The following BAZ2B variants were observed in gnomAD, a reference collection of about 807,000 sequenced individuals.
BAZ2B encodes bromodomain adjacent to zinc finger domain protein 2B.
Under a neutral mutation model 246.0 loss-of-function variants are expected in BAZ2B, and 91 were observed. The ratio of observed to expected loss-of-function variants is 0.37; its 90% CI spans 0.31 to 0.44. The LOEUF is 0.44. BAZ2B is among the 20% of genes least tolerant of loss of function. BAZ2B has a pLI of 1.00. For synonymous variants in BAZ2B, 855 were observed against 860.0 expected, an observed-to-expected ratio of 0.99 and a Z score of 0.10; for missense variants, 2,332 against 2,533.7, an observed-to-expected ratio of 0.92 and a Z score of 1.71.
intron 2 of BAZ2B, among the ~76,000 whole-genome samples, chr2:159,539,227 C>A (rs1289890366): frequency 6.6e-6 from 1 of 152,076 alleles, no homozygotes. Flanking sequence ...AAGATAAGCT[C>A]CTAATGAAGA....
intron 2 of BAZ2B, among the ~76,000 whole-genome samples, chr2:159,529,127 A>T (rs1034096139): frequency 1.3e-5 from 2 of 152,128 alleles, no homozygotes; most frequent in African/African-American, 2.4e-5. Context: ...AAAAAAATAA[A>T]AATATACATA....
chr2:159,552,750 C>A (rs146628069), intron 2 of BAZ2B, among the ~76,000 whole-genome samples: 66 of 152,164 alleles, frequency 4.3e-4, no homozygotes, highest in African/African-American at 1.4e-3. Flanking sequence ...TTATGATTGC[C>A]AACAAACATT....
At chr2:159,485,505 C>T (rs1224295808) in intron 2 of BAZ2B, among the ~76,000 whole-genome samples, 3 of 152,012 alleles carry the variant, frequency 2.0e-5, no homozygotes, top group African/African-American at 7.2e-5. Context: ...CATTTTACCA[C>T]TATAAACAAA....
Position 159,373,141 on chromosome 2 carries a change from G to T in BAZ2B, c.4117C>A (p.Arg1373Ser). 1 of 1,613,936 alleles carries T rather than the reference G, an allele frequency of 6.2e-7. No individual in the cohort carries two copies. The highest frequency in any genetic ancestry group is 8.5e-7 in the Non-Finnish European group (1 of 1,179,904). ...RKLFDASHSL[R>S]SVMFGQDRYR... The stretch of plus-strand genomic sequence containing the variant: ...CGATCTTGGCCAAACATCACTGAAC[G>T]CAATGAGTGAGACGCATCAAAGAGC... Residue 1373 changes from arginine (R) to serine (S), a missense_variant, in exon 27 of 37, where the codon CGT becomes AGT. Arg to Ser is a moderately radical substitution (Grantham distance 110). Coordinates refer to ENST00000392783, the MANE Select transcript of BAZ2B (RefSeq NM_013450.4).
At chr2:159,501,211 A>G (rs1338983305) in intron 2 of BAZ2B, among the ~76,000 whole-genome samples, 2 of 113,394 alleles carry the variant, frequency 1.8e-5, no homozygotes, top group Non-Finnish European at 3.5e-5. Flanking sequence ...ATTTTTATAT[A>G]TATTATATAT....
At chr2:159,564,379 G>A (rs1444115539) in intron 1 of BAZ2B, among the ~76,000 whole-genome samples, 1 of 152,188 alleles carries the variant, frequency 6.6e-6, no homozygotes, top group African/African-American at 2.4e-5. Flanking sequence ...GGGATGTTAT[G>A]ACTAAGTGAA....
chr2:159,397,064 A>G, intron 19 of BAZ2B: 1 of 1,395,344 alleles, frequency 7.2e-7, no homozygotes, highest in Non-Finnish European at 9.5e-7. Context: ...AAAAATAAAC[A>G]TACCCATACC....
chr2:159,323,540 C>T (rs1336608862), intron 36 of BAZ2B, among the ~76,000 whole-genome samples: 12 of 152,012 alleles, frequency 7.9e-5, no homozygotes, highest in African/African-American at 2.4e-4. Flanking sequence ...AGGTGGTTCA[C>T]GCCTGTAATC....
chr2:159,517,445 T>G (rs1211558774), intron 2 of BAZ2B, among the ~76,000 whole-genome samples: 3 of 151,992 alleles, frequency 2.0e-5, no homozygotes, highest in Non-Finnish European at 2.9e-5. Context: ...ATTTACTACT[T>G]AAAAAAATCT....
At chr2:159,463,680 G>A (rs568470282) in intron 3 of BAZ2B, 1 of 150,720 alleles carries the variant, frequency 6.6e-6, no homozygotes, top group East Asian at 1.9e-4. Context: ...TATGTTTCTT[G>A]AGAAAAGTCT....
At chr2:159,640,513 C>CTT in the BAZ2B span, among the ~76,000 whole-genome samples, 1 of 151,868 alleles carries the variant, frequency 6.6e-6, no homozygotes, top group African/African-American at 2.4e-5. Flanking sequence ...ATTCTCTAAC[C>CTT]ACATGGAATA....
chr2:159,691,232 T>A, the BAZ2B span, among the ~76,000 whole-genome samples: 1 of 152,162 alleles, frequency 6.6e-6, no homozygotes, highest in African/African-American at 2.4e-5. Context: ...ATTGAAACAA[T>A]CTTGTGTTTT....
chr2:159,324,072 C>T (rs1456454006), intron 36 of BAZ2B, among the ~76,000 whole-genome samples: 1 of 152,120 alleles, frequency 6.6e-6, no homozygotes, highest in Non-Finnish European at 1.5e-5. Flanking sequence ...TTCTATTTAA[C>T]TCTTCTAAAT....
chr2:159,358,469 C>G (rs1442695440), intron 27 of BAZ2B, among the ~76,000 whole-genome samples: 1 of 152,134 alleles, frequency 6.6e-6, no homozygotes, highest in East Asian at 1.9e-4. Flanking sequence ...AAAGCAAGTC[C>G]TTAGATACCT....
At chr2:159,428,765 T>C (rs2070484871) in intron 11 of BAZ2B, among the ~76,000 whole-genome samples, 1 of 152,188 alleles carries the variant, frequency 6.6e-6, no homozygotes, top group Admixed American at 6.5e-5. Flanking sequence ...GGCTCTCTGC[T>C]GCTTGGGGTT....
At chr2:159,543,874 TTC>T (rs2086969570) in intron 2 of BAZ2B, among the ~76,000 whole-genome samples, 1 of 152,234 alleles carries the variant, frequency 6.6e-6, no homozygotes, top group African/African-American at 2.4e-5. Context: ...ATGTACACAT[TTC>T]TTTGTCTTAT....
intron 36 of BAZ2B, among the ~76,000 whole-genome samples, chr2:159,323,954 A>G (rs1189461818): frequency 6.6e-6 from 1 of 152,162 alleles, no homozygotes; most frequent in Non-Finnish European, 1.5e-5. Context: ...AACAAAACAG[A>G]CATAAACCTT....
the BAZ2B span, chr2:159,695,174 A>G: frequency 3.3e-5 from 5 of 152,294 alleles, no homozygotes; most frequent in Non-Finnish European, 5.9e-5. Flanking sequence ...CAATTTTACA[A>G]TAATGATTGT....
chr2:159,382,932 T>A (rs2062171288), intron 24 of BAZ2B, 130 bp from the exon 25 acceptor site: 2 of 1,217,662 alleles, frequency 1.6e-6, no homozygotes, highest in African/African-American at 3.0e-5. Context: ...ATACCAATGT[T>A]AAAAAAAATT....
Sources: allele counts gnomAD v4.1 joint callset (sites outside exome capture counted in the v4.1 genomes callset), GRCh38; gene constraint gnomAD v4.1.1; transcripts MANE v1.5; gene names NCBI Gene and HGNC (gene_info 2026-07-23, HGNC 2026-07-21).